Variants in SORCS1 observed in about 807,000 individuals in gnomAD.
SORCS1 encodes the protein VPS10 domain-containing receptor SorCS1.
In SORCS1, 60 loss-of-function variants were observed where a neutral mutation model predicts 146.1. The ratio of observed to expected loss-of-function variants is 0.41; its 90% CI spans 0.33 to 0.51. The LOEUF (loss-of-function observed/expected upper bound fraction) is 0.51. Ranked by LOEUF, SORCS1 falls within the 20% of genes least tolerant of loss-of-function variation. The probability of loss-of-function intolerance (pLI) is 0.21; values close to 1 mark genes in which losing one functional copy is unlikely to be tolerated. For synonymous variants in SORCS1, 637 were observed against 584.0 expected, an observed-to-expected ratio of 1.09 and a Z score of -1.31; for missense variants, 1,352 against 1,487.6, an observed-to-expected ratio of 0.91 and a Z score of 1.50.
chr10:106,728,801 G>A (rs4444008), intron 6 of SORCS1, among the ~76,000 whole-genome samples: 2,081 of 152,260 alleles, frequency 0.014, 49 homozygotes, highest in African/African-American at 0.048. Context: ...TAGAAACTGG[G>A]AAGGTCTTGG....
chr10:106,795,870 G>T (rs1436607702), intron 3 of SORCS1, among the ~76,000 whole-genome samples: 1 of 152,156 alleles, frequency 6.6e-6, no homozygotes, highest in Admixed American at 6.5e-5. Flanking sequence ...GTTCTAAGAC[G>T]CTGGGAGAAA....
intron 1 of SORCS1, among the ~76,000 whole-genome samples, chr10:107,052,593 A>G (rs1960219660): frequency 6.6e-6 from 1 of 152,158 alleles, no homozygotes; most frequent in African/African-American, 2.4e-5. Context: ...TTTAAAGGAT[A>G]ATGCAGACAT....
intron 1 of SORCS1, among the ~76,000 whole-genome samples, chr10:106,976,792 T>A (rs767497125): frequency 2.0e-5 from 3 of 152,124 alleles, no homozygotes; most frequent in African/African-American, 4.8e-5. Context: ...GAACATGTGG[T>A]GTTTGGTTTT....
rs564311515 is a variant in SORCS1 at position 106,782,274 on chromosome 10, A to T, written c.727-5582T>A. ...TTAACGGAAAAAAACAAGCATAAAA[A>T]ACATTTTTTAAGACAAGATCTTGCT... On this transcript the variant is annotated intron_variant, in intron 3 of 25. Coordinates refer to ENST00000263054, the MANE Select transcript of SORCS1 (RefSeq NM_052918.5). Among the ~76,000 whole-genome samples, 12 of 152,298 alleles carry T rather than the reference A, an allele frequency of 7.9e-5. No individual in the cohort carries two copies. In the East Asian group the frequency reaches 2.1e-3, roughly 27 times the overall value.
At chr10:106,995,425 G>A (rs1030385780) in intron 1 of SORCS1, among the ~76,000 whole-genome samples, 47 of 152,158 alleles carry the variant, frequency 3.1e-4, no homozygotes, top group African/African-American at 1.1e-3. Context: ...AAAGTAACGG[G>A]ATTTGTTCAG....
intron 17 of SORCS1, among the ~76,000 whole-genome samples, chr10:106,666,570 T>C (rs1242036574): frequency 2.6e-5 from 4 of 151,524 alleles, no homozygotes; most frequent in Non-Finnish European, 4.4e-5. Flanking sequence ...TTTTTTTTTT[T>C]TCTTGAGACA....
At chr10:106,810,993 T>C (rs1046208391) in intron 3 of SORCS1, among the ~76,000 whole-genome samples, 2 of 150,698 alleles carry the variant, frequency 1.3e-5, no homozygotes, top group African/African-American at 4.9e-5. Context: ...CAGGCTGGAG[T>C]GCAGCGGTGC....
rs78208115 is a variant in SORCS1 at position 106,871,623 on chromosome 10, T to C, written c.627-41950A>G. Among the ~76,000 whole-genome samples the C allele has an allele frequency of 2.4e-4, 36 of 152,284 alleles. No individual in the cohort carries two copies. The East Asian group carries it at 6.4e-3, about 27-fold the overall frequency. ...GAATAGAGATGGAGGCTATCATTCT[T>C]AGGAAACTAACACAAGAACAGAAAA... On this transcript the variant is annotated intron_variant, in intron 2 of 25. Coordinates refer to ENST00000263054, the MANE Select transcript of SORCS1 (RefSeq NM_052918.5).
chr10:107,054,742 C>T (rs571476331), intron 1 of SORCS1, among the ~76,000 whole-genome samples: 3 of 152,302 alleles, frequency 2.0e-5, no homozygotes, highest in East Asian at 1.9e-4. Flanking sequence ...ATGAGCTATG[C>T]TAGCCAACAA....
chr10:106,758,497 A>G (rs1399129431), intron 5 of SORCS1, among the ~76,000 whole-genome samples: 3 of 152,170 alleles, frequency 2.0e-5, no homozygotes, highest in African/African-American at 7.2e-5. Flanking sequence ...TTTGTCCCTC[A>G]TGCTTTTTCA....
intron 2 of SORCS1, among the ~76,000 whole-genome samples, chr10:106,903,446 G>A (rs1589670396): frequency 6.6e-6 from 1 of 152,288 alleles, no homozygotes; most frequent in Admixed American, 6.5e-5. Context: ...CAGAACAAAT[G>A]TTACAGAATA....
chr10:106,760,975 C>T (rs531114838), intron 5 of SORCS1, among the ~76,000 whole-genome samples: 53 of 152,080 alleles, frequency 3.5e-4, no homozygotes, highest in African/African-American at 5.5e-4. Context: ...GGCATGGTGG[C>T]GTGCACCTAT....
chr10:106,850,946 A>T (rs1949545226), intron 2 of SORCS1, among the ~76,000 whole-genome samples: 1 of 152,156 alleles, frequency 6.6e-6, no homozygotes, highest in African/African-American at 2.4e-5. Flanking sequence ...AAAAACACAG[A>T]AACTTGGAGT....
intron 1 of SORCS1, among the ~76,000 whole-genome samples, chr10:107,059,543 C>A (rs1960976943): frequency 6.6e-6 from 1 of 152,066 alleles, no homozygotes; most frequent in Admixed American, 6.6e-5. Context: ...AACAAGAAGC[C>A]CAGATTTCCT....
chr10:107,037,814 C>T (rs113092298), intron 1 of SORCS1, among the ~76,000 whole-genome samples: 2 of 152,020 alleles, frequency 1.3e-5, no homozygotes, highest in Non-Finnish European at 2.9e-5. Context: ...TTTGAGGTCA[C>T]TTTATTGATT....
chr10:106,726,169 C>T (rs1418972990), intron 6 of SORCS1, among the ~76,000 whole-genome samples: 1 of 124,552 alleles, frequency 8.0e-6, no homozygotes, highest in African/African-American at 3.1e-5. Context: ...GTTATTGAGA[C>T]AATCTCTTTC....
intron 3 of SORCS1, among the ~76,000 whole-genome samples, chr10:106,778,969 G>A (rs945206663): frequency 6.6e-6 from 1 of 152,116 alleles, no homozygotes; most frequent in Admixed American, 6.5e-5. Context: ...AAGTATTTTT[G>A]ATACCCATTT....
At chr10:107,062,402 A>G (rs1370957747) in intron 1 of SORCS1, among the ~76,000 whole-genome samples, 1 of 151,992 alleles carries the variant, frequency 6.6e-6, no homozygotes, top group Non-Finnish European at 1.5e-5. Context: ...GTGGTGGCAC[A>G]TTTAGGTTAT....
chr10:106,747,749 T>C (rs1437119824), intron 5 of SORCS1, among the ~76,000 whole-genome samples: 8 of 152,152 alleles, frequency 5.3e-5, no homozygotes, highest in Non-Finnish European at 8.8e-5. Flanking sequence ...ACAGGGTGAC[T>C]ACAGTTAACA....
Sources: allele counts gnomAD v4.1 joint callset (sites outside exome capture counted in the v4.1 genomes callset), GRCh38; gene constraint gnomAD v4.1.1; transcripts MANE v1.5; gene names NCBI Gene and HGNC (gene_info 2026-07-23, HGNC 2026-07-21).